The following ZFYVE9 variants were observed in gnomAD, a reference collection of about 807,000 sequenced individuals.
ZFYVE9 encodes the protein zinc finger FYVE domain-containing protein 9.
ZFYVE9 carries 43 observed loss-of-function variants against 126.7 expected under a neutral mutation model. The ratio of observed to expected loss-of-function variants is 0.34; its 90% CI spans 0.27 to 0.44. ZFYVE9 has a LOEUF of 0.44. Among genes scored for constraint, ZFYVE9 ranks in the 20% least tolerant of loss-of-function variants. The pLI is 1.00. For missense variants in ZFYVE9, 1,476 were observed against 1,697.0 expected (o/e 0.87, Z 2.29); for synonymous variants, 521 against 597.4 (o/e 0.87, Z 1.87).
At chr1:52,298,703 A>G (rs913634826) in intron 12 of ZFYVE9, among the ~76,000 whole-genome samples, 1 of 150,588 alleles carries the variant, frequency 6.6e-6, no homozygotes, top group African/African-American at 2.4e-5. Flanking sequence ...TGGCATTTTG[A>G]TAGAGATTGC....
chr1:52,235,754 T>C (rs1291886959), intron 3 of ZFYVE9, among the ~76,000 whole-genome samples: 1 of 152,154 alleles, frequency 6.6e-6, no homozygotes, highest in African/African-American at 2.4e-5. Context: ...TTTCCAAACT[T>C]ACATAAAACT....
intron 1 of ZFYVE9, among the ~76,000 whole-genome samples, chr1:52,202,059 C>T (rs1308254180): frequency 6.6e-6 from 1 of 152,166 alleles, no homozygotes; most frequent in Non-Finnish European, 1.5e-5. Context: ...GCTGGGATTA[C>T]AGGCGTGAGC....
At chr1:52,300,863 G>GTTTTT (rs747924233) in intron 12 of ZFYVE9, among the ~76,000 whole-genome samples, 2 of 137,274 alleles carry the variant, frequency 1.5e-5, no homozygotes, top group South Asian at 2.3e-4. Context: ...AGGTTTTTTG[G>GTTTTT]TTTTTTTTTT....
At chr1:52,341,052 C>G (rs538865158) in intron 17 of ZFYVE9, among the ~76,000 whole-genome samples, 12 of 152,090 alleles carry the variant, frequency 7.9e-5, no homozygotes, top group African/African-American at 2.4e-4. Context: ...GAAACCCCGT[C>G]TCTACTAAAA....
At chr1:52,324,885 A>G (rs966969731) in intron 13 of ZFYVE9, among the ~76,000 whole-genome samples, 4 of 152,212 alleles carry the variant, frequency 2.6e-5, no homozygotes, top group Non-Finnish European at 5.9e-5. Flanking sequence ...CTGTCGTTCC[A>G]GCACTTTGGG....
At chr1:52,292,360 ATGTCTTATAAC>A (rs1456102091) in intron 10 of ZFYVE9, among the ~76,000 whole-genome samples, 1 of 151,198 alleles carries the variant, frequency 6.6e-6, no homozygotes, top group Non-Finnish European at 1.5e-5. Flanking sequence ...TCTTCCCTTA[ATGTCTTATAAC>A]TGTACTTATT....
At chr1:52,336,445 A>G (rs964280273) in intron 15 of ZFYVE9, among the ~76,000 whole-genome samples, 1 of 147,650 alleles carries the variant, frequency 6.8e-6, no homozygotes, top group Non-Finnish European at 1.5e-5. Flanking sequence ...GCTCACTGCA[A>G]CTTCTACCTC....
intron 1 of ZFYVE9, among the ~76,000 whole-genome samples, chr1:52,173,800 A>C (rs1193455181): frequency 6.6e-6 from 1 of 152,142 alleles, no homozygotes; most frequent in Non-Finnish European, 1.5e-5. Context: ...AGAGGTGTTT[A>C]TAGTATTCTC....
At chr1:52,205,076 T>C (rs1405082768) in intron 1 of ZFYVE9, among the ~76,000 whole-genome samples, 5 of 149,154 alleles carry the variant, frequency 3.4e-5, no homozygotes, top group African/African-American at 1.2e-4. Flanking sequence ...AATTTTTTTT[T>C]TTTTTTTTTT....
chr1:52,263,760 C>CCG lies in ZFYVE9; in HGVS notation c.2179-12_2179-11insGC, dbSNP rs1553130208. 2.2e-5 allele frequency: 11 copies of CCG among 495,598 alleles called. No individual in the cohort carries two copies. Among genetic ancestry groups the CCG allele is most frequent in the Non-Finnish European group, 2.1e-5 (6 of 291,510 alleles). The allele number at this position is 495,598 out of a possible 1,614,324, so 30.7% of individuals were successfully genotyped here. ...GTAAATTTTGTGTGTTCTTCCCCCC[C>CCG]CCCCCCCCACAGGTTTTCTGTGCTT... On this transcript the variant is annotated splice_polypyrimidine_tract_variant and intron_variant, in intron 4 of 18. Coordinates refer to ENST00000287727, the MANE Select transcript of ZFYVE9 (RefSeq NM_004799.4).
chr1:52,157,576 A>G (rs1464933964), intron 1 of ZFYVE9, among the ~76,000 whole-genome samples: 1 of 150,988 alleles, frequency 6.6e-6, no homozygotes, highest in African/African-American at 2.4e-5. Flanking sequence ...TAATTTTTGT[A>G]TTTTTAGTAG....
At chr1:52,314,607 C>CT (rs1281223622) in intron 13 of ZFYVE9, among the ~76,000 whole-genome samples, 1 of 152,114 alleles carries the variant, frequency 6.6e-6, no homozygotes, top group African/African-American at 2.4e-5. Context: ...CATCTGAGCT[C>CT]AGGAGTTCGA....
intron 7 of ZFYVE9, among the ~76,000 whole-genome samples, chr1:52,270,359 G>A (rs1163081005): frequency 6.6e-6 from 1 of 152,110 alleles, no homozygotes; most frequent in African/African-American, 2.4e-5. Context: ...CGCCTCCCGG[G>A]TTCACGCCAT....
chr1:52,271,099 G>A (rs570976798), intron 7 of ZFYVE9, among the ~76,000 whole-genome samples: 3 of 152,296 alleles, frequency 2.0e-5, no homozygotes, highest in South Asian at 2.1e-4. Context: ...TGAGGCAGGA[G>A]GGTGATGATT....
In ZFYVE9 at chr1:52,273,673, C is replaced by T. The variant is rs1336376679; in HGVS notation, c.2626-791C>T. Among the ~76,000 whole-genome samples the T allele has an allele frequency of 1.2e-3, 185 of 151,906 alleles. 4 individuals are homozygous for T. The highest frequency in any genetic ancestry group is 7.4e-5 in the Non-Finnish European group (5 of 67,930). ...TGAAACCCCATCTCTACTAAAAATA[C>T]AAAAATTAGCCAGGCGTGGTGGCAC... On this transcript the variant is annotated intron_variant, in intron 7 of 18. Transcript: ENST00000287727.
chr1:52,160,259 A>G (rs1644444102), intron 1 of ZFYVE9: 2 of 884,236 alleles, frequency 2.3e-6, no homozygotes, highest in East Asian at 4.8e-5. Context: ...TTCTCTTTTC[A>G]ATTAAATCTT....
At position 52,274,552 on chromosome 1, in the gene ZFYVE9, C is replaced by A; in HGVS notation, c.2714C>A (p.Pro905His). The change falls in exon 8 of 19, where the codon CCT (proline) becomes CAT (histidine). Residue 905 changes from proline (P) to histidine (H), a missense_variant. Physicochemically the swap from Pro to His is moderately conservative, Grantham distance 77. Transcript: ENST00000287727. ...AMNLIPEDGL[P>H]PILISTGVKG... is the part of the protein sequence containing the mutation. ...AATCTTATTCCTGAAGATGGCCTTCCTCCCATTCTCATCTCCACTGGTGTA... is the reference window on the plus strand; with the variant it reads ...AATCTTATTCCTGAAGATGGCCTTCATCCCATTCTCATCTCCACTGGTGTA... 1 of 1,612,370 alleles carries A rather than the reference C, an allele frequency of 6.2e-7. No individual in the cohort carries two copies. Among genetic ancestry groups the A allele is most frequent in the East Asian group, 2.2e-5 (1 of 44,796 alleles).
intron 1 of ZFYVE9, among the ~76,000 whole-genome samples, chr1:52,143,528 C>T (rs977818415): frequency 6.6e-6 from 1 of 152,132 alleles, no homozygotes; most frequent in African/African-American, 2.4e-5. Flanking sequence ...ACCATGTTGG[C>T]TCTTAATAAA....
At chr1:52,206,958 CAGAG>C (rs1255549905) in intron 1 of ZFYVE9, among the ~76,000 whole-genome samples, 2 of 152,166 alleles carry the variant, frequency 1.3e-5, no homozygotes, top group African/African-American at 2.4e-5. Flanking sequence ...TGTACACACA[CAGAG>C]AGAATTATAT....
Sources: allele counts gnomAD v4.1 joint callset (sites outside exome capture counted in the v4.1 genomes callset), GRCh38; gene constraint gnomAD v4.1.1; transcripts MANE v1.5; gene names NCBI Gene and HGNC (gene_info 2026-07-23, HGNC 2026-07-21).